Variants in FRMD4A observed in about 807,000 individuals in gnomAD.
The protein encoded by FRMD4A is FERM domain-containing protein 4A.
In FRMD4A, 29 loss-of-function variants were observed where a neutral mutation model predicts 129.1. The observed-to-expected ratio is 0.22, with a 90% CI of 0.17 to 0.31. The LOEUF is 0.31. FRMD4A is among the 10% of genes least tolerant of loss of function. The probability of loss-of-function intolerance (pLI) is 1.00; values close to 1 mark genes in which losing one functional copy is unlikely to be tolerated. For synonymous variants in FRMD4A, 634 were observed against 571.6 expected, an observed-to-expected ratio of 1.11 and a Z score of -1.56; for missense variants, 1,272 against 1,375.8, an observed-to-expected ratio of 0.92 and a Z score of 1.19.
chr10:13,970,005 C>T (rs957429420), intron 2 of FRMD4A, among the ~76,000 whole-genome samples: 1 of 152,164 alleles, frequency 6.6e-6, no homozygotes, highest in Non-Finnish European at 1.5e-5. Context: ...CTCTAAATCA[C>T]GGTTTCAGAA....
chr10:14,164,372 C>G (rs192575889), intron 2 of FRMD4A, among the ~76,000 whole-genome samples: 25 of 152,348 alleles, frequency 1.6e-4, no homozygotes, highest in Middle Eastern at 3.4e-3. Flanking sequence ...GCTCTCCTCT[C>G]ATGTAGCTGG....
intron 2 of FRMD4A, among the ~76,000 whole-genome samples, chr10:14,278,926 G>A: frequency 6.6e-6 from 1 of 152,162 alleles, no homozygotes; most frequent in Non-Finnish European, 1.5e-5. Context: ...GCTAATCACA[G>A]CGGCACGGTT....
intron 2 of FRMD4A, among the ~76,000 whole-genome samples, chr10:14,006,026 A>G (rs77827961): frequency 0.015 from 2,283 of 152,236 alleles, 41 homozygotes; most frequent in East Asian, 0.089. Context: ...TACACTCCCA[A>G]TGGAAGGGTG....
At chr10:13,706,066 T>C (rs1413053250) in intron 13 of FRMD4A, among the ~76,000 whole-genome samples, 1 of 152,226 alleles carries the variant, frequency 6.6e-6, no homozygotes, top group Non-Finnish European at 1.5e-5. Context: ...CAGCTTGTTT[T>C]GAGCATCAGA....
chr10:13,779,696 C>T (rs572030335), intron 6 of FRMD4A, among the ~76,000 whole-genome samples: 30 of 151,850 alleles, frequency 2.0e-4, no homozygotes, highest in African/African-American at 7.2e-4. Flanking sequence ...AGGGGAAATC[C>T]TAGGTTTAGT....
intron 2 of FRMD4A, among the ~76,000 whole-genome samples, chr10:14,221,615 A>T (rs899801374): frequency 2.6e-5 from 4 of 152,118 alleles, no homozygotes; most frequent in Non-Finnish European, 5.9e-5. Context: ...GCTGGAGTAC[A>T]GTGGTGTGAT....
intron 2 of FRMD4A, among the ~76,000 whole-genome samples, chr10:14,209,935 G>A (rs116136326): frequency 9.9e-5 from 15 of 152,106 alleles, no homozygotes; most frequent in Non-Finnish European, 1.6e-4. Context: ...GCCATGTGAA[G>A]ATGGAAGCAG....
At chr10:13,657,590 G>T in intron 21 of FRMD4A, 68 bp from the exon 22 acceptor site, 1 of 1,458,740 alleles carries the variant, frequency 6.9e-7, no homozygotes, top group Non-Finnish European at 9.0e-7. Context: ...CTCCGGGGAG[G>T]AGGGGGTCCT....
intron 2 of FRMD4A, among the ~76,000 whole-genome samples, chr10:14,096,215 G>T (rs1430379760): frequency 6.6e-6 from 1 of 152,194 alleles, no homozygotes; most frequent in East Asian, 1.9e-4. Context: ...GAGGGAACCT[G>T]TTTGTCCCTT....
At chr10:13,700,959 G>A (rs1375581177) in intron 14 of FRMD4A, among the ~76,000 whole-genome samples, 1 of 147,606 alleles carries the variant, frequency 6.8e-6, no homozygotes, top group African/African-American at 2.5e-5. Context: ...CGTTGAGAAA[G>A]ATTCCTTTTT....
intron 9 of FRMD4A, among the ~76,000 whole-genome samples, chr10:13,743,196 C>T (rs1011495459): frequency 2.6e-5 from 4 of 152,056 alleles, no homozygotes; most frequent in East Asian, 3.9e-4. Context: ...TCCCACATGC[C>T]GAGGAAGTTC....
intron 2 of FRMD4A, among the ~76,000 whole-genome samples, chr10:14,088,423 T>C (rs1264213818): frequency 7.0e-6 from 1 of 143,266 alleles, no homozygotes; most frequent in South Asian, 2.2e-4. Context: ...CCAGCCTGGG[T>C]GACAGAACAA....
chr10:13,679,446 A>AT (rs1477923163), intron 15 of FRMD4A, among the ~76,000 whole-genome samples: 16 of 48,660 alleles, frequency 3.3e-4, no homozygotes, highest in African/African-American at 1.2e-3. Flanking sequence ...AAAAAAAAAA[A>AT]AAAAAAAAAA....
chr10:13,828,311 C>T (rs944109396), intron 3 of FRMD4A, among the ~76,000 whole-genome samples: 1 of 152,104 alleles, frequency 6.6e-6, no homozygotes, highest in Non-Finnish European at 1.5e-5. Context: ...CATCCCTCAC[C>T]CCCTCCCACA....
chr10:14,245,480 G>A (rs528148612), intron 2 of FRMD4A, among the ~76,000 whole-genome samples: 2 of 152,322 alleles, frequency 1.3e-5, no homozygotes, highest in South Asian at 4.1e-4. Flanking sequence ...CTTTCCAGAA[G>A]CTGCTCAAGT....
At chr10:13,749,511 T>C (rs2091462092) in intron 8 of FRMD4A, among the ~76,000 whole-genome samples, 1 of 152,136 alleles carries the variant, frequency 6.6e-6, no homozygotes, top group East Asian at 1.9e-4. Context: ...TTGTTCCCTG[T>C]GTCCCCGGCG....
intron 2 of FRMD4A, among the ~76,000 whole-genome samples, chr10:14,092,731 T>C (rs113783209): frequency 6.6e-6 from 1 of 152,306 alleles, no homozygotes; most frequent in South Asian, 2.1e-4. Context: ...TTCACAGGCA[T>C]GTGGCTGGCA....
chr10:14,115,381 C>T (rs775193952), intron 2 of FRMD4A, among the ~76,000 whole-genome samples: 2 of 152,176 alleles, frequency 1.3e-5, no homozygotes, highest in Non-Finnish European at 2.9e-5. Context: ...CAAATATATA[C>T]GAAAAATAAT....
At chr10:14,132,522 C>T (rs956437734) in intron 2 of FRMD4A, among the ~76,000 whole-genome samples, 5 of 152,260 alleles carry the variant, frequency 3.3e-5, no homozygotes, top group African/African-American at 1.2e-4. Context: ...ATCTGGCTGG[C>T]CCCTCTTTGT....
Sources: gnomAD v4.1 joint callset for allele counts (sites outside exome capture counted in the v4.1 genomes callset) on GRCh38, gnomAD v4.1.1 for gene constraint, MANE v1.5 for transcripts, NCBI Gene and HGNC (gene_info 2026-07-23, HGNC 2026-07-21) for gene names.